PXDN: variants seen among roughly 807,000 people sequenced by gnomAD.
The protein encoded by PXDN is peroxidasin.
In PXDN, 77 loss-of-function variants were observed where a neutral mutation model predicts 140.3. That is an observed-to-expected ratio of 0.55 (90% CI 0.46 to 0.66). PXDN has a LOEUF of 0.66. PXDN is among the 30% of genes least tolerant of loss of function. The pLI is 0.00. For synonymous variants in PXDN, 911 were observed against 857.4 expected (o/e 1.06, Z -1.09); for missense variants, 1,838 against 2,039.5 (o/e 0.90, Z 1.90).
chr2:1,654,039 A>G (rs1338552866), intron 15 of PXDN: 1 of 513,702 alleles, frequency 1.9e-6, no homozygotes, highest in Non-Finnish European at 3.4e-6. Flanking sequence ...CATTTCACAT[A>G]AGATGCAGAA....
intron 1 of PXDN, among the ~76,000 whole-genome samples, chr2:1,733,395 G>C (rs1254664614): frequency 6.6e-6 from 1 of 152,086 alleles, no homozygotes; most frequent in East Asian, 1.9e-4. Context: ...GTACTGACAC[G>C]ATATGGGTGT....
chr2:1,661,990 G>A, intron 13 of PXDN, 82 bp downstream of exon 13: 1 of 1,279,810 alleles, frequency 7.8e-7, no homozygotes. Context: ...CGCCTACCTT[G>A]CTCCAGGTAG....
At chr2:1,655,575 A>C (rs1390281083) in intron 14 of PXDN, among the ~76,000 whole-genome samples, 4 of 151,310 alleles carry the variant, frequency 2.6e-5, no homozygotes, top group African/African-American at 9.7e-5. Context: ...GCCCCTCCTG[A>C]CAGAAACCTG....
At chr2:1,694,556 C>G (rs1168220299) in intron 1 of PXDN, among the ~76,000 whole-genome samples, 10 of 152,224 alleles carry the variant, frequency 6.6e-5, no homozygotes, top group Admixed American at 6.5e-4. Context: ...ACGCCGTGCC[C>G]TCGCACCCGG....
Position 1,649,423 on chromosome 2 carries a change from A to G in PXDN, c.2357T>C (p.Leu786Pro). 1 of 1,613,956 alleles carries G rather than the reference A, an allele frequency of 6.2e-7. No individual in the cohort carries two copies. Among genetic ancestry groups the G allele is most frequent in the Non-Finnish European group, 8.5e-7 (1 of 1,179,886 alleles). ...CATGGGAAGGGCGTGCCCGTTGTAC[A>G]GTCGGTGGGGGTTGATGCCCCGAGG... ...NTPRGINPHR[L>P]YNGHALPMPR... Residue 786 changes from leucine to proline, a missense_variant, in exon 17 of 23, where the codon CTG (leucine) becomes CCG (proline). Physicochemically the swap from Leu to Pro is moderately conservative, Grantham distance 98 (BLOSUM62 -3). Coordinates refer to ENST00000252804, the MANE Select transcript of PXDN (RefSeq NM_012293.3). The surrounding 1 kb of genome is among the most constrained non-coding windows in gnomAD (Gnocchi z 7.1).
chr2:1,679,192 G>A (rs1477964968), intron 7 of PXDN, among the ~76,000 whole-genome samples: 5 of 150,294 alleles, frequency 3.3e-5, no homozygotes, highest in South Asian at 2.1e-4. Context: ...GTGTATGTGC[G>A]TGTGTGTGGT....
At chr2:1,688,628 G>A (rs1006998506) in intron 3 of PXDN, among the ~76,000 whole-genome samples, 4 of 152,280 alleles carry the variant, frequency 2.6e-5, no homozygotes, top group East Asian at 3.9e-4. Context: ...GTGAATCTGT[G>A]TCTGTGCCCA....
chr2:1,679,088 A>ATGTGTGTGTGTG lies in PXDN; in HGVS notation c.730+1093_730+1104dup, dbSNP rs111613941. On this transcript the variant is annotated intron_variant, in intron 7 of 22. Transcript: ENST00000252804. ...AATAAACAGCCGTGTATGTGCATGC[A>ATGTGTGTGTGTG]TGTGTGTGTGTGTGTGTGTGTGTGT... 6.8e-5 allele frequency among the ~76,000 whole-genome samples: 10 copies of ATGTGTGTGTGTG among 147,950 alleles called. No homozygotes were observed. In the South Asian group the frequency reaches 1.1e-3, roughly 16 times the overall value.
intron 1 of PXDN, among the ~76,000 whole-genome samples, chr2:1,720,035 GA>G: frequency 1.2e-5 from 1 of 81,032 alleles, no homozygotes; most frequent in Non-Finnish European, 2.3e-5. Flanking sequence ...GAGAGAGAGG[GA>G]GGGATGCAGA....
chr2:1,659,388 C>A (rs891086618), intron 14 of PXDN, among the ~76,000 whole-genome samples: 5 of 152,054 alleles, frequency 3.3e-5, no homozygotes, highest in African/African-American at 1.2e-4. Context: ...ATTTTTATGC[C>A]AATAGGTAGA....
At position 1,631,887 on chromosome 2, in the gene PXDN, TCCATTTGAAAATGTGAC is replaced by T. The variant is rs1316177066; in HGVS notation, c.*2300_*2316del. On this transcript the variant is annotated 3_prime_UTR_variant, in exon 23 of 23. Coordinates refer to ENST00000252804, the MANE Select transcript of PXDN (RefSeq NM_012293.3). ...CAGGTAAAAAAAAATAAAGCCATTC[TCCATTTGAAAATGTGAC>T]CCATTTATTTGAACTGAAAGGCATC... The T allele has an allele frequency of 6.6e-6, 1 of 152,628 alleles. No individual in the cohort carries two copies. The highest frequency in any genetic ancestry group is 1.5e-5 in the Non-Finnish European group (1 of 68,038). 9.5% of individuals were successfully genotyped at this position (152,628 alleles called of 1,614,324 possible).
At chr2:1,668,617 A>T (rs1013306832) in intron 9 of PXDN, among the ~76,000 whole-genome samples, 4 of 149,134 alleles carry the variant, frequency 2.7e-5, no homozygotes, top group Non-Finnish European at 6.0e-5. Context: ...AAAAAAAAAC[A>T]ACCCCATCTA....
intron 18 of PXDN, among the ~76,000 whole-genome samples, chr2:1,644,200 A>T (rs1432830380): frequency 6.6e-6 from 1 of 151,984 alleles, no homozygotes; most frequent in East Asian, 1.9e-4. Context: ...CTGCTGAAAT[A>T]GTTTGTAATA....
chr2:1,716,440 G>GAAAAAAAAAAAA (rs550784477), intron 1 of PXDN, among the ~76,000 whole-genome samples: 3 of 58,228 alleles, frequency 5.2e-5, no homozygotes. Context: ...TCCATCTCAG[G>GAAAAAAAAAAAA]AAAAAAAAAA....
intron 9 of PXDN, among the ~76,000 whole-genome samples, chr2:1,667,933 A>G (rs1450157348): frequency 6.6e-6 from 1 of 152,250 alleles, no homozygotes; most frequent in Non-Finnish European, 1.5e-5. Flanking sequence ...GACTTTCTTC[A>G]CAGAGCTAGA....
At chr2:1,711,480 A>C in intron 1 of PXDN, among the ~76,000 whole-genome samples, 1 of 118,094 alleles carries the variant, frequency 8.5e-6, no homozygotes, top group East Asian at 2.7e-4. Flanking sequence ...CCGCTCCACC[A>C]GCACCCGCTC....
At chr2:1,693,399 A>G (rs1684226633) in intron 1 of PXDN, among the ~76,000 whole-genome samples, 1 of 152,334 alleles carries the variant, frequency 6.6e-6, no homozygotes, top group East Asian at 1.9e-4. Context: ...TAAGCACCCT[A>G]TCTCTGGCAA....
At position 1,648,167 on chromosome 2, in the gene PXDN, C is replaced by T; in HGVS notation, c.3608+5G>A. On this transcript the variant is annotated splice_donor_5th_base_variant and intron_variant, in intron 17 of 22. Transcript: ENST00000252804. The surrounding 1 kb of genome is among the most constrained non-coding windows in gnomAD (Gnocchi z 8.9). ...GAGCCATCCCACACAGCCTCTTCAG[C>T]TCACCTTTTCAGTTTCTCCCGGATC... The T allele has an allele frequency of 1.2e-6, 2 of 1,609,534 alleles. No individual in the cohort carries two copies. Among genetic ancestry groups the T allele is most frequent in the Non-Finnish European group, 1.7e-6 (2 of 1,176,578 alleles).
rs528189593 is a variant in PXDN, at chr2:1,711,025, C to T, written c.201-17891G>A. Among the ~76,000 whole-genome samples the T allele has an allele frequency of 7.8e-3, 564 of 72,510 alleles. 17 individuals carry two copies. Among genetic ancestry groups the T allele is most frequent in the African/African-American group, 0.038 (524 of 13,946 alleles). 47.6% of individuals were successfully genotyped at this position (72,510 alleles called of 152,430 possible). Reference sequence around the variant, plus strand: ...CACCAGCACCCACTCTCCACCAGCACCCACTCCACCAGCATCCACTCTACC... The same window carrying T: ...CACCAGCACCCACTCTCCACCAGCATCCACTCCACCAGCATCCACTCTACC... On this transcript the variant is annotated intron_variant, in intron 1 of 22. Transcript: ENST00000252804.
Sources: allele counts gnomAD v4.1 joint callset (sites outside exome capture counted in the v4.1 genomes callset), GRCh38; gene constraint gnomAD v4.1.1; non-coding constraint Gnocchi (gnomAD v3.1); transcripts MANE v1.5; gene names NCBI Gene and HGNC (gene_info 2026-07-23, HGNC 2026-07-21).